Variants in WDR7 observed in about 807,000 individuals in gnomAD.
WDR7 encodes WD repeat-containing protein 7.
WDR7 carries 46 observed loss-of-function variants against 169.4 expected under a neutral mutation model. The observed-to-expected ratio is 0.27, with a 90% CI of 0.21 to 0.35. The LOEUF is 0.35. Ranked by LOEUF, WDR7 falls within the 10% of genes least tolerant of loss-of-function variation. The pLI, the probability that WDR7 is intolerant of heterozygous loss-of-function variation, is 1.00. For synonymous variants in WDR7, 612 were observed against 666.8 expected (o/e 0.92, Z 1.27); for missense variants, 1,534 against 1,859.3 (o/e 0.83, Z 3.22).
At chr18:56,746,732 A>G (rs926929385) in intron 14 of WDR7, among the ~76,000 whole-genome samples, 4 of 152,172 alleles carry the variant, frequency 2.6e-5, no homozygotes, top group African/African-American at 9.7e-5. Flanking sequence ...AAGCAGGTAG[A>G]TGTATTTGTT....
At chr18:56,727,028 C>G (rs1345180386) in intron 13 of WDR7, among the ~76,000 whole-genome samples, 1 of 152,152 alleles carries the variant, frequency 6.6e-6, no homozygotes, top group Non-Finnish European at 1.5e-5. Flanking sequence ...TCTGCAAACT[C>G]TAGCTGCCTG....
At chr18:56,944,016 G>T (rs1278510976) in intron 25 of WDR7, among the ~76,000 whole-genome samples, 4 of 119,900 alleles carry the variant, frequency 3.3e-5, no homozygotes, top group Non-Finnish European at 4.8e-5. Flanking sequence ...TTGAGATGGA[G>T]TCTCACTCCC....
chr18:56,863,716 T>C (rs1398346745), intron 20 of WDR7, among the ~76,000 whole-genome samples: 1 of 151,822 alleles, frequency 6.6e-6, no homozygotes, highest in Non-Finnish European at 1.5e-5. Flanking sequence ...ATCTGCATAT[T>C]ATACAAGTAT....
chr18:56,909,652 A>G (rs1473036073), intron 21 of WDR7, among the ~76,000 whole-genome samples: 1 of 152,068 alleles, frequency 6.6e-6, no homozygotes, highest in Middle Eastern at 3.2e-3. Context: ...ATTTTAGGTT[A>G]TGCTTAGCTA....
At chr18:56,797,252 T>A (rs2044600060) in intron 19 of WDR7, among the ~76,000 whole-genome samples, 1 of 152,154 alleles carries the variant, frequency 6.6e-6, no homozygotes, top group Non-Finnish European at 1.5e-5. Flanking sequence ...CTTGTGGATG[T>A]AGAAGGGGCC....
intron 14 of WDR7, among the ~76,000 whole-genome samples, chr18:56,745,673 C>T (rs2043691485): frequency 6.6e-6 from 1 of 152,164 alleles, no homozygotes; most frequent in Admixed American, 6.5e-5. Flanking sequence ...ACCTGTGGAC[C>T]AGTACCAGTT....
In WDR7 at chr18:56,679,437, G is replaced by A; in HGVS notation, c.265G>A (p.Gly89Arg). The A allele has an allele frequency of 6.3e-7, 1 of 1,596,004 alleles. No homozygotes were observed. The highest frequency in any genetic ancestry group is 1.1e-5 in the South Asian group (1 of 89,698). ...KQYIVSASES[G>R]EMCLWDVSDG... ...GTATATTGTGAGTGCATCTGAAAGT[G>A]GGTAAGTATTTTCTCATTTGCCTCT... The change falls in exon 3 of 28, where the codon GGA (glycine) becomes AGA (arginine). Residue 89 changes from glycine to arginine, a missense_variant and splice_region_variant. Coordinates refer to ENST00000254442, the MANE Select transcript of WDR7 (RefSeq NM_015285.3).
chr18:56,862,155 A>G (rs1274061788), intron 20 of WDR7, among the ~76,000 whole-genome samples: 1 of 152,030 alleles, frequency 6.6e-6, no homozygotes, highest in Non-Finnish European at 1.5e-5. Flanking sequence ...TAATTTTTAG[A>G]ACTACTTTAC....
At chr18:56,972,522 A>G (rs2047503278) in intron 26 of WDR7, among the ~76,000 whole-genome samples, 1 of 152,180 alleles carries the variant, frequency 6.6e-6, no homozygotes, top group African/African-American at 2.4e-5. Flanking sequence ...AGCTGGTTTT[A>G]TGGCAGGTGT....
intron 20 of WDR7, among the ~76,000 whole-genome samples, chr18:56,850,079 T>C (rs1599099100): frequency 6.6e-6 from 1 of 152,218 alleles, no homozygotes; most frequent in Non-Finnish European, 1.5e-5. Flanking sequence ...CTGTTTCCTC[T>C]TTCCCAGAAC....
intron 27 of WDR7, among the ~76,000 whole-genome samples, chr18:57,024,283 G>T (rs9950304): frequency 6.6e-6 from 1 of 152,092 alleles, no homozygotes; most frequent in South Asian, 2.1e-4. Context: ...CCTTACTCGA[G>T]CATCGTTTGT....
intron 17 of WDR7, among the ~76,000 whole-genome samples, chr18:56,779,182 C>G (rs986635091): frequency 1.1e-4 from 16 of 152,186 alleles, no homozygotes; most frequent in African/African-American, 3.6e-4. Flanking sequence ...GGATATACTT[C>G]CAGTGGAAAT....
At chr18:56,734,684 C>T (rs1428578591) in intron 14 of WDR7, among the ~76,000 whole-genome samples, 1 of 151,976 alleles carries the variant, frequency 6.6e-6, no homozygotes, top group Non-Finnish European at 1.5e-5. Context: ...AGAGTTAGTT[C>T]TTACATTCTT....
rs1244687422 is a variant in WDR7, at chr18:56,690,478, T to G, written c.718-738T>G. On this transcript the variant is annotated intron_variant, in intron 7 of 27. Transcript: ENST00000254442. The stretch of plus-strand genomic sequence containing the variant: ...AATAATGTAGAGCAAAGTAACTCCC[T>G]TATAATAATGAGTTATTCCCATGCC... Among the ~76,000 whole-genome samples, 3 of 152,250 alleles carry G rather than the reference T, an allele frequency of 2.0e-5. No homozygotes were observed. The East Asian group carries it at 5.8e-4, about 29-fold the overall frequency.
intron 13 of WDR7, among the ~76,000 whole-genome samples, chr18:56,719,308 A>G (rs1438696072): frequency 6.6e-6 from 1 of 152,152 alleles, no homozygotes; most frequent in Non-Finnish European, 1.5e-5. Context: ...TCACGCCTGT[A>G]ATCCTAGCAC....
chr18:56,993,900 A>C (rs1370260712), intron 26 of WDR7, among the ~76,000 whole-genome samples: 1 of 152,192 alleles, frequency 6.6e-6, no homozygotes, highest in Non-Finnish European at 1.5e-5. Flanking sequence ...CTGGGGAGAC[A>C]TAGTGTTCCT....
intron 14 of WDR7, among the ~76,000 whole-genome samples, chr18:56,739,751 C>T (rs910493007): frequency 3.3e-5 from 5 of 150,460 alleles, no homozygotes; most frequent in Admixed American, 3.3e-4. Flanking sequence ...TCATTTCCAT[C>T]TTTTTTTGGG....
chr18:56,670,106 CT>C (rs909593103), intron 1 of WDR7, among the ~76,000 whole-genome samples: 1 of 151,814 alleles, frequency 6.6e-6, no homozygotes, highest in Non-Finnish European at 1.5e-5. Context: ...CTAATTTGCC[CT>C]TTTTTTTGTT....
intron 25 of WDR7, among the ~76,000 whole-genome samples, chr18:56,952,475 A>G (rs563931037): frequency 6.6e-6 from 1 of 152,364 alleles, no homozygotes; most frequent in East Asian, 1.9e-4. Flanking sequence ...GCAGGGCTAT[A>G]TGAATGCTGC....
Sources: allele counts gnomAD v4.1 joint callset (sites outside exome capture counted in the v4.1 genomes callset), GRCh38; gene constraint gnomAD v4.1.1; transcripts MANE v1.5; gene names NCBI Gene and HGNC (gene_info 2026-07-23, HGNC 2026-07-21).